The following FGF14 variants were observed in gnomAD, a reference collection of about 807,000 sequenced individuals.
The protein encoded by FGF14 is fibroblast growth factor 14, also known as fibroblast growth factor homologous factor 4.
FGF14 carries 5 observed loss-of-function variants against 25.5 expected under a neutral mutation model. The observed-to-expected ratio is 0.20, with a 90% CI of 0.10 to 0.41. The LOEUF is 0.41. Ranked by LOEUF, FGF14 falls within the 10% of genes least tolerant of loss-of-function variation. The pLI, the probability that FGF14 is intolerant of heterozygous loss-of-function variation, is 1.00. For missense variants in FGF14, 222 were observed against 320.1 expected, an observed-to-expected ratio of 0.69 and a Z score of 2.34; for synonymous variants, 138 against 118.3, an observed-to-expected ratio of 1.17 and a Z score of -1.08.
chr13:101,738,658 A>G (rs902968595), intron 3 of FGF14, among the ~76,000 whole-genome samples: 1 of 152,104 alleles, frequency 6.6e-6, no homozygotes, highest in South Asian at 2.1e-4. Context: ...AATAACTCTA[A>G]CTAGATAAAG....
rs369631326 is a variant in FGF14 at position 102,396,345 on chromosome 13, A to G, written c.208+5126T>C. 6.6e-5 allele frequency among the ~76,000 whole-genome samples: 10 copies of G among 152,320 alleles called. No homozygotes were observed. The East Asian group carries it at 1.7e-3, about 26-fold the overall frequency. ...CCTGTTAGACTGTTCAAACAGCCCA[A>G]CTGTTTCCCCTTAAGGCAAAAGACA... On this transcript the variant is annotated intron_variant, in intron 1 of 4. Transcript: ENST00000376131.
intron 3 of FGF14, among the ~76,000 whole-genome samples, chr13:101,786,550 C>T (rs1364867317): frequency 6.6e-6 from 1 of 152,090 alleles, no homozygotes; most frequent in Non-Finnish European, 1.5e-5. Flanking sequence ...CTTGGCCATC[C>T]TCCCCTGTAT....
intron 1 of FGF14, among the ~76,000 whole-genome samples, chr13:102,112,410 C>G (rs972441052): frequency 6.6e-6 from 1 of 152,130 alleles, no homozygotes; most frequent in African/African-American, 2.4e-5. Context: ...GTTTAAAATC[C>G]GAGTCACTTC....
intron 3 of FGF14, among the ~76,000 whole-genome samples, chr13:101,866,804 G>A (rs1229027644): frequency 6.6e-6 from 1 of 152,132 alleles, no homozygotes; most frequent in Admixed American, 6.6e-5. Flanking sequence ...TTTTATCCAA[G>A]TCCTCTTTCC....
At chr13:102,205,984 TAAAAAAAAAAAAAAAAAAA>T (rs36108366) in intron 1 of FGF14, among the ~76,000 whole-genome samples, 44 of 47,452 alleles carry the variant, frequency 9.3e-4, no homozygotes, top group Non-Finnish European at 1.4e-3. Flanking sequence ...CTCCCTGTGG[TAAAAAAAAAAAAAAAAAAA>T]AAAAAAAAAA....
chr13:102,308,410 G>A (rs986923730), intron 1 of FGF14, among the ~76,000 whole-genome samples: 1 of 152,054 alleles, frequency 6.6e-6, no homozygotes, highest in Non-Finnish European at 1.5e-5. Context: ...ATTTCTCCAG[G>A]GGTACTGATT....
chr13:102,322,789 G>T (rs947639286), intron 1 of FGF14, among the ~76,000 whole-genome samples: 1 of 151,874 alleles, frequency 6.6e-6, no homozygotes, highest in East Asian at 1.9e-4. Context: ...TATAATATGT[G>T]TTCTAATTCC....
chr13:102,335,460 T>C (rs1229482589), intron 1 of FGF14, among the ~76,000 whole-genome samples: 2 of 152,062 alleles, frequency 1.3e-5, no homozygotes, highest in Non-Finnish European at 2.9e-5. Context: ...TAAGATTAAG[T>C]AATTTTAGCA....
intron 1 of FGF14, among the ~76,000 whole-genome samples, chr13:102,133,257 T>C (rs539538045): frequency 6.6e-6 from 1 of 152,234 alleles, no homozygotes; most frequent in East Asian, 1.9e-4. Context: ...AGTTATTATA[T>C]ACAATTTAGA....
chr13:102,297,100 T>C (rs1436246467), intron 1 of FGF14, among the ~76,000 whole-genome samples: 2 of 152,178 alleles, frequency 1.3e-5, no homozygotes, highest in African/African-American at 2.4e-5. Context: ...GTCATACTGA[T>C]AGTATTGGTA....
intron 1 of FGF14, among the ~76,000 whole-genome samples, chr13:102,072,704 T>A (rs1376395069): frequency 1.3e-5 from 2 of 152,232 alleles, no homozygotes; most frequent in Non-Finnish European, 2.9e-5. Context: ...AAGAAAGGAC[T>A]GGCAGCATAT....
intron 4 of FGF14, among the ~76,000 whole-genome samples, chr13:101,723,683 A>G (rs1413915115): frequency 1.3e-5 from 2 of 152,238 alleles, no homozygotes; most frequent in East Asian, 1.9e-4. Context: ...ATGGCAAGAC[A>G]GCAACTGAAA....
At chr13:102,303,263 C>A (rs2055172584) in intron 1 of FGF14, among the ~76,000 whole-genome samples, 1 of 152,180 alleles carries the variant, frequency 6.6e-6, no homozygotes, top group South Asian at 2.1e-4. Context: ...AACCATCCTA[C>A]ACAAAACAGC....
At chr13:102,334,503 T>C (rs192671495) in intron 1 of FGF14, among the ~76,000 whole-genome samples, 147 of 152,268 alleles carry the variant, frequency 9.7e-4, no homozygotes, top group Middle Eastern at 3.4e-3. Flanking sequence ...GAAACAGCAG[T>C]GTCATGTAGC....
At chr13:101,901,039 G>T (rs1230375799) in intron 1 of FGF14, among the ~76,000 whole-genome samples, 2 of 152,100 alleles carry the variant, frequency 1.3e-5, no homozygotes, top group African/African-American at 4.8e-5. Context: ...CAAAATAAAA[G>T]AAATGCCTTT....
chr13:101,804,659 A>G (rs867301176), intron 3 of FGF14, among the ~76,000 whole-genome samples: 47 of 152,090 alleles, frequency 3.1e-4, no homozygotes, highest in African/African-American at 1.1e-3. Flanking sequence ...ACTGTATTTT[A>G]TACATACAAA....
chr13:102,273,842 G>C (rs931739230), intron 1 of FGF14, among the ~76,000 whole-genome samples: 1 of 151,820 alleles, frequency 6.6e-6, no homozygotes, highest in Non-Finnish European at 1.5e-5. Context: ...AAAAGGCTGA[G>C]GTGGGAGAAT....
intron 3 of FGF14, among the ~76,000 whole-genome samples, chr13:101,821,955 T>C (rs1436783842): frequency 6.6e-6 from 1 of 152,192 alleles, no homozygotes; most frequent in Non-Finnish European, 1.5e-5. Flanking sequence ...ACTGCAGATA[T>C]CATCTTTTCA....
chr13:102,356,459 T>C (rs56318273), intron 1 of FGF14, among the ~76,000 whole-genome samples: 3,644 of 152,316 alleles, frequency 0.024, 155 homozygotes, highest in African/African-American at 0.082. Flanking sequence ...TGACAAAACA[T>C]AGTGAAGGTT....
Sources: allele counts gnomAD v4.1 joint callset (sites outside exome capture counted in the v4.1 genomes callset), GRCh38; gene constraint gnomAD v4.1.1; transcripts MANE v1.5; gene names NCBI Gene and HGNC (gene_info 2026-07-23, HGNC 2026-07-21).